MPP3: variants seen among roughly 807,000 people sequenced by gnomAD.
The protein encoded by MPP3 is MAGUK p55 scaffold protein 3.
In MPP3, 48 loss-of-function variants were observed where a neutral mutation model predicts 80.7. The observed-to-expected ratio is 0.59, with a 90% CI of 0.47 to 0.76. The LOEUF (loss-of-function observed/expected upper bound fraction) is 0.76. MPP3 is among the 30% of genes least tolerant of loss of function. The pLI is 0.00. For synonymous variants in MPP3, 311 were observed against 297.6 expected (o/e 1.04, Z -0.46); for missense variants, 620 against 763.0 (o/e 0.81, Z 2.21).
At chr17:43,831,492 C>T in intron 4 of MPP3, 67 bp downstream of exon 4, 1 of 1,372,704 alleles carries the variant, frequency 7.3e-7, no homozygotes, top group Middle Eastern at 1.8e-4. Flanking sequence ...AGGATGACCT[C>T]AGACGGCCAC....
At chr17:43,804,356 A>G (rs1369587004) in intron 19 of MPP3, among the ~76,000 whole-genome samples, 1 of 152,210 alleles carries the variant, frequency 6.6e-6, no homozygotes, top group Non-Finnish European at 1.5e-5. Context: ...ATGTAGACCA[A>G]TGGAATGGGA....
At chr17:43,831,174 G>T in intron 5 of MPP3, 70 bp downstream of exon 5, 5 of 1,454,720 alleles carry the variant, frequency 3.4e-6, no homozygotes, top group South Asian at 3.4e-5. Context: ...CTAAGCAAGC[G>T]AGGCAAGATG....
At chr17:43,811,479 A>C in intron 16 of MPP3, 1 of 410,006 alleles carries the variant, frequency 2.4e-6, no homozygotes, top group Non-Finnish European at 4.5e-6. Flanking sequence ...GTGCACAGTG[A>C]CCCACAACCA....
chr17:43,815,491 A>T (rs954308224), intron 14 of MPP3, among the ~76,000 whole-genome samples: 2 of 152,092 alleles, frequency 1.3e-5, no homozygotes, highest in Admixed American at 1.3e-4. Flanking sequence ...AGTCCCAGCT[A>T]CTCAGGAGGC....
intron 2 of MPP3, chr17:43,832,160 T>C (rs2045996206): frequency 1.8e-6 from 1 of 543,582 alleles, no homozygotes; most frequent in South Asian, 2.6e-5. Context: ...ATTTCTATGA[T>C]AAACTTTTTG....
intron 11 of MPP3, among the ~76,000 whole-genome samples, chr17:43,820,603 A>ATACACACACACACACAC (rs1264169757): frequency 2.7e-4 from 35 of 127,598 alleles, no homozygotes; most frequent in African/African-American, 1.2e-3. Context: ...AAAAAAAAAA[A>ATACACACACACACACAC]ATACACACAC....
At chr17:43,819,690 G>A (rs185481543) in intron 11 of MPP3, among the ~76,000 whole-genome samples, 34 of 151,974 alleles carry the variant, frequency 2.2e-4, no homozygotes, top group Admixed American at 9.8e-4. Context: ...AATACCTGCC[G>A]CCTAGGAATG....
intron 9 of MPP3, chr17:43,825,513 G>C (rs1259949563): frequency 7.1e-6 from 3 of 424,014 alleles, no homozygotes; most frequent in Non-Finnish European, 8.5e-6. Flanking sequence ...GGGAACCAGG[G>C]GAAGGAAGGA....
intron 9 of MPP3, chr17:43,824,915 C>CA (rs1243512087): frequency 6.6e-6 from 1 of 152,448 alleles, no homozygotes; most frequent in Non-Finnish European, 1.5e-5. Flanking sequence ...GCTGGGATTA[C>CA]AGGGGCCCAC....
At chr17:43,831,777 G>A (rs1276315163) in intron 3 of MPP3, 100 bp from the exon 4 acceptor site, 13 of 1,428,276 alleles carry the variant, frequency 9.1e-6, no homozygotes, top group African/African-American at 4.3e-5. Flanking sequence ...CAGTCCTGCC[G>A]TGAGGACATT....
intron 7 of MPP3, 35 bp downstream of exon 7, chr17:43,829,619 G>A: frequency 1.2e-6 from 2 of 1,608,978 alleles, no homozygotes; most frequent in South Asian, 1.1e-5. Context: ...GGCAGGGGAA[G>A]AGTGGGTTAG....
At chr17:43,824,674 G>A (rs2045615697) in intron 9 of MPP3, among the ~76,000 whole-genome samples, 1 of 152,190 alleles carries the variant, frequency 6.6e-6, no homozygotes, top group South Asian at 2.1e-4. Flanking sequence ...TGGAGCACAA[G>A]AAGGTTGGCA....
At position 43,811,225 on chromosome 17, in the gene MPP3, A is replaced by C. The variant is rs1199085473; in HGVS notation, c.1256-20T>G. On this transcript the variant is annotated intron_variant, in intron 16 of 19. Coordinates refer to ENST00000398389, the MANE Select transcript of MPP3 (RefSeq NM_001932.6). ...TGGTATCTTTTAAAGAAAGAAGGAA[A>C]GCTGGGCAAAGAGATGTCACATCAC... The C allele has an allele frequency of 8.8e-6, 14 of 1,594,436 alleles. No homozygotes were observed. Among genetic ancestry groups the C allele is most frequent in the Non-Finnish European group, 1.1e-5 (13 of 1,162,660 alleles).
chr17:43,832,442 G>C (rs1285442861), intron 2 of MPP3, among the ~76,000 whole-genome samples: 1 of 152,078 alleles, frequency 6.6e-6, no homozygotes, highest in Non-Finnish European at 1.5e-5. Context: ...CAAGCCCCCT[G>C]TCCCCGACCC....
In MPP3 at chr17:43,818,117, G is replaced by A; in HGVS notation, c.882-7C>T. 6.5e-7 allele frequency: 1 copy of A among 1,531,608 alleles called. No homozygotes were observed. Among genetic ancestry groups the A allele is most frequent in the South Asian group, 1.2e-5 (1 of 80,078 alleles). 94.9% of individuals were successfully genotyped at this position (1,531,608 alleles called of 1,614,324 possible). A position where few individuals can be genotyped will look rare whatever the true frequency, so the allele number is the denominator to read the frequency against. ...TCTCCGGTAGCTTAGTCGTCTGCAG[G>A]GACACAAGGGGATGGGCGGGCCCGT... is the stretch of plus-strand genomic sequence containing the variant. On this transcript the variant is annotated splice_polypyrimidine_tract_variant and splice_region_variant and intron_variant, in intron 11 of 19. Transcript: ENST00000398389.
intron 16 of MPP3, chr17:43,811,591 GTTTT>G (rs958436482): frequency 1.2e-5 from 2 of 165,954 alleles, no homozygotes; most frequent in African/African-American, 4.8e-5. Context: ...TTTTTTGTTT[GTTTT>G]GTTTTGTTTT....
At chr17:43,830,554 G>A (rs1257783515) in intron 5 of MPP3, among the ~76,000 whole-genome samples, 1 of 152,162 alleles carries the variant, frequency 6.6e-6, no homozygotes, top group African/African-American at 2.4e-5. Context: ...GAGAGGTTGA[G>A]TGGCCTACTT....
intron 16 of MPP3, among the ~76,000 whole-genome samples, chr17:43,812,776 G>GT (rs1039180043): frequency 6.6e-6 from 1 of 152,196 alleles, no homozygotes; most frequent in African/African-American, 2.4e-5. Flanking sequence ...AACGATCAGT[G>GT]TGTGAGCAAC....
intron 3 of MPP3, 98 bp from the exon 4 acceptor site, chr17:43,831,775 C>T: frequency 7.0e-7 from 1 of 1,425,402 alleles, no homozygotes; most frequent in Non-Finnish European, 9.6e-7. Flanking sequence ...TTCAGTCCTG[C>T]CGTGAGGACA....
Sources: gnomAD v4.1 joint callset for allele counts (sites outside exome capture counted in the v4.1 genomes callset) on GRCh38, gnomAD v4.1.1 for gene constraint, MANE v1.5 for transcripts, NCBI Gene and HGNC (gene_info 2026-07-23, HGNC 2026-07-21) for gene names.